Variants in FRMD4A observed in about 807,000 individuals in gnomAD.
The protein encoded by FRMD4A is FERM domain-containing protein 4A.
A neutral mutation model predicts 129.1 loss-of-function variants in FRMD4A; 29 were observed. The observed-to-expected ratio is 0.22, with a 90% CI of 0.17 to 0.31. The LOEUF is 0.31. Ranked by LOEUF, FRMD4A falls within the 10% of genes least tolerant of loss-of-function variation. FRMD4A has a pLI of 1.00. For synonymous variants in FRMD4A, 634 were observed against 571.6 expected (o/e 1.11, Z -1.56); for missense variants, 1,272 against 1,375.8 (o/e 0.92, Z 1.19).
intron 2 of FRMD4A, among the ~76,000 whole-genome samples, chr10:14,007,830 G>A (rs1048427409): frequency 1.3e-5 from 2 of 151,958 alleles, no homozygotes. Flanking sequence ...TCATCTCTAA[G>A]AGCACCCCTC....
intron 13 of FRMD4A, among the ~76,000 whole-genome samples, chr10:13,706,836 C>A (rs115946659): frequency 1.3e-5 from 2 of 151,712 alleles, no homozygotes; most frequent in Admixed American, 6.6e-5. Context: ...CTTACACACA[C>A]GTGCGAACCC....
At chr10:14,231,561 T>C (rs188178214) in intron 2 of FRMD4A, among the ~76,000 whole-genome samples, 129 of 152,274 alleles carry the variant, frequency 8.5e-4, no homozygotes, top group Middle Eastern at 3.4e-3. Flanking sequence ...TTAGCCAGGA[T>C]GGTCTCGATC....
chr10:14,009,814 C>CG (rs1555013203), intron 2 of FRMD4A, among the ~76,000 whole-genome samples: 22 of 151,758 alleles, frequency 1.4e-4, no homozygotes, highest in Non-Finnish European at 2.6e-4. Flanking sequence ...GTGAGAGAGA[C>CG]GGGGAGACGG....
At chr10:14,166,786 T>C (rs1841202924) in intron 2 of FRMD4A, among the ~76,000 whole-genome samples, 1 of 152,256 alleles carries the variant, frequency 6.6e-6, no homozygotes, top group Non-Finnish European at 1.5e-5. Context: ...TTTGCCCATA[T>C]TATTTCATGG....
intron 2 of FRMD4A, among the ~76,000 whole-genome samples, chr10:14,238,530 TTTTAC>T (rs1564408968): frequency 2.6e-5 from 4 of 152,198 alleles, no homozygotes; most frequent in Admixed American, 1.3e-4. Flanking sequence ...TTTATTTATA[TTTTAC>T]TTTAAGTTCT....
chr10:14,166,180 A>C (rs887644854), intron 2 of FRMD4A, among the ~76,000 whole-genome samples: 14 of 150,454 alleles, frequency 9.3e-5, no homozygotes, highest in Non-Finnish European at 1.5e-5. Flanking sequence ...TAATATATTA[A>C]CATGTTTAAT....
intron 2 of FRMD4A, among the ~76,000 whole-genome samples, chr10:14,062,105 A>G (rs1246287486): frequency 6.6e-6 from 1 of 152,256 alleles, no homozygotes; most frequent in East Asian, 1.9e-4. Context: ...TATATATAAC[A>G]TGCTATTTAT....
rs79065187 is a variant in FRMD4A, at chr10:13,947,919, C to T, written c.46-89007G>A. ...AAAAAAATAAAACAAACTTATCAGG[C>T]GGGGCATAGTGGCTCATGCCTGTAA... On this transcript the variant is annotated intron_variant, in intron 2 of 24. Coordinates refer to ENST00000357447, the MANE Select transcript of FRMD4A (RefSeq NM_018027.5). Among the ~76,000 whole-genome samples, 1,190 of 152,074 alleles carry T rather than the reference C, an allele frequency of 7.8e-3. 60 individuals are homozygous for T. In the East Asian group the frequency reaches 0.13, roughly 17 times the overall value.
chr10:13,740,488 G>T, intron 10 of FRMD4A, 24 bp downstream of exon 10: 1 of 1,407,502 alleles, frequency 7.1e-7, no homozygotes, highest in Non-Finnish European at 1.0e-6. Context: ...CTGTCCCCAT[G>T]TGAGCTGGGA....
intron 2 of FRMD4A, among the ~76,000 whole-genome samples, chr10:13,983,837 TA>T (rs397946522): frequency 1.6e-3 from 223 of 143,846 alleles, no homozygotes; most frequent in African/African-American, 5.0e-3. Flanking sequence ...TCGTCTCTAC[TA>T]AAAAAAAAAA....
At chr10:14,094,200 A>G (rs1261110028) in intron 2 of FRMD4A, among the ~76,000 whole-genome samples, 2 of 152,176 alleles carry the variant, frequency 1.3e-5, no homozygotes, top group African/African-American at 4.8e-5. Flanking sequence ...GTTCCCTTTG[A>G]TTCCCCTTCG....
chr10:13,813,624 A>C (rs531337175), intron 3 of FRMD4A, among the ~76,000 whole-genome samples: 1 of 152,340 alleles, frequency 6.6e-6, no homozygotes, highest in African/African-American at 2.4e-5. Context: ...CCACTGGCCT[A>C]CAGTTGGGCA....
intron 22 of FRMD4A, chr10:13,655,100 G>C (rs1166062329): frequency 6.6e-6 from 1 of 152,562 alleles, no homozygotes; most frequent in African/African-American, 2.4e-5. Flanking sequence ...TGACCACTAC[G>C]CATTTACTGA....
At chr10:14,102,546 C>T (rs58747997) in intron 2 of FRMD4A, among the ~76,000 whole-genome samples, 1,977 of 152,178 alleles carry the variant, frequency 0.013, 33 homozygotes, top group African/African-American at 0.045. Context: ...CACAGAGGGC[C>T]GAGAACCAAG....
chr10:14,214,644 T>C (rs1843019990), intron 2 of FRMD4A, among the ~76,000 whole-genome samples: 1 of 152,240 alleles, frequency 6.6e-6, no homozygotes, highest in Non-Finnish European at 1.5e-5. Context: ...AACCTCTAGA[T>C]CCTCAATTAA....
At chr10:13,909,452 C>A (rs1488198246) in intron 2 of FRMD4A, among the ~76,000 whole-genome samples, 4 of 152,196 alleles carry the variant, frequency 2.6e-5, no homozygotes, top group Non-Finnish European at 4.4e-5. Context: ...TCTGTCTTTA[C>A]CTTTGCAATT....
intron 3 of FRMD4A, among the ~76,000 whole-genome samples, chr10:13,847,518 C>CCCTCCCTT (rs543708214): frequency 1.3e-5 from 2 of 151,960 alleles, no homozygotes; most frequent in African/African-American, 2.4e-5. Flanking sequence ...CTCCTTCCCT[C>CCCTCCCTT]CCTCCCTTCC....
intron 2 of FRMD4A, among the ~76,000 whole-genome samples, chr10:14,032,421 C>A (rs922865762): frequency 2.0e-5 from 3 of 152,162 alleles, no homozygotes; most frequent in South Asian, 2.1e-4. Flanking sequence ...ATTAGTGAAG[C>A]GCTTTTCCTG....
intron 2 of FRMD4A, among the ~76,000 whole-genome samples, chr10:14,130,610 AGC>A: frequency 6.6e-6 from 1 of 152,172 alleles, no homozygotes; most frequent in African/African-American, 2.4e-5. Context: ...GTGTGTAAAA[AGC>A]AGTCCCCGGT....
Sources: allele counts gnomAD v4.1 joint callset (sites outside exome capture counted in the v4.1 genomes callset), GRCh38; gene constraint gnomAD v4.1.1; transcripts MANE v1.5; gene names NCBI Gene and HGNC (gene_info 2026-07-23, HGNC 2026-07-21).